Variants in SDK1 observed in about 807,000 individuals in gnomAD.
SDK1 encodes the protein protein sidekick-1.
In SDK1, 157 loss-of-function variants were observed where a neutral mutation model predicts 245.5. The observed-to-expected ratio is 0.64, with a 90% CI of 0.56 to 0.73. SDK1 has a LOEUF of 0.73. Ranked by LOEUF, SDK1 falls within the 30% of genes least tolerant of loss-of-function variation. SDK1 has a pLI of 0.00. For synonymous variants in SDK1, 1,647 were observed against 1,278.5 expected, an observed-to-expected ratio of 1.29 and a Z score of -6.15; for missense variants, 3,583 against 3,002.3, an observed-to-expected ratio of 1.19 and a Z score of -4.52.
chr7:3,346,780 C>CAT (rs1248705105), intron 1 of SDK1, among the ~76,000 whole-genome samples: 1 of 85,202 alleles, frequency 1.2e-5, no homozygotes, highest in South Asian at 4.4e-4. Context: ...TATATGTATA[C>CAT]ATATATATGT....
chr7:3,467,984 T>TA (rs1583902574), intron 1 of SDK1, among the ~76,000 whole-genome samples: 1 of 152,162 alleles, frequency 6.6e-6, no homozygotes, highest in South Asian at 2.1e-4. Context: ...CATGTTTTTT[T>TA]AATGAAGATT....
intron 4 of SDK1, among the ~76,000 whole-genome samples, chr7:3,695,791 G>A (rs1396424039): frequency 6.6e-6 from 1 of 152,158 alleles, no homozygotes; most frequent in Non-Finnish European, 1.5e-5. Flanking sequence ...ACCGCTAGAC[G>A]TAGCCTGTAT....
At chr7:4,077,293 G>A in intron 21 of SDK1, 104 bp downstream of exon 21, 1 of 1,115,814 alleles carries the variant, frequency 9.0e-7, no homozygotes, top group South Asian at 1.5e-5. Flanking sequence ...TGAGTGCCTT[G>A]AAAAGGAGTA....
At chr7:4,203,406 C>T (rs1230551915) in intron 35 of SDK1, among the ~76,000 whole-genome samples, 1 of 152,110 alleles carries the variant, frequency 6.6e-6, no homozygotes, top group Non-Finnish European at 1.5e-5. Context: ...AGCGTGAGAC[C>T]CCAGAGAAAA....
At chr7:3,967,511 C>T (rs1277143377) in intron 10 of SDK1, 77 bp downstream of exon 10, 4 of 874,282 alleles carry the variant, frequency 4.6e-6, no homozygotes, top group African/African-American at 3.3e-5. Context: ...GCTTCTTATT[C>T]ACTCTCTTGT....
intron 1 of SDK1, among the ~76,000 whole-genome samples, chr7:3,525,960 G>A (rs761254530): frequency 4.6e-5 from 7 of 152,100 alleles, no homozygotes; most frequent in Admixed American, 2.6e-4. Flanking sequence ...TGGGCCAGGC[G>A]CCGTGGCTCA....
At chr7:3,707,272 G>T (rs1784917867) in intron 4 of SDK1, among the ~76,000 whole-genome samples, 1 of 152,248 alleles carries the variant, frequency 6.6e-6, no homozygotes, top group East Asian at 1.9e-4. Context: ...TTATTTCAAA[G>T]AATTTTTAAA....
chr7:3,528,379 G>C (rs1583127197), intron 1 of SDK1, among the ~76,000 whole-genome samples: 1 of 151,874 alleles, frequency 6.6e-6, no homozygotes, highest in Non-Finnish European at 1.5e-5. Context: ...TCAGCTAGGG[G>C]GTGAGTGGTG....
At chr7:4,260,578 C>T (rs1401835083) in intron 44 of SDK1, among the ~76,000 whole-genome samples, 2 of 124,592 alleles carry the variant, frequency 1.6e-5, no homozygotes, top group Non-Finnish European at 3.3e-5. Flanking sequence ...CTGGCTGCTC[C>T]GGGGCCTCTG....
intron 4 of SDK1, among the ~76,000 whole-genome samples, chr7:3,669,083 G>C (rs1181935255): frequency 2.6e-5 from 4 of 152,122 alleles, no homozygotes; most frequent in African/African-American, 7.2e-5. Context: ...ACACATTCCA[G>C]GGAGAAAAGT....
At chr7:4,230,932 C>G (rs925739665) in intron 40 of SDK1, among the ~76,000 whole-genome samples, 2 of 152,150 alleles carry the variant, frequency 1.3e-5, no homozygotes, top group Non-Finnish European at 2.9e-5. Flanking sequence ...GCAATCTCAT[C>G]TGATTCCCTG....
intron 5 of SDK1, among the ~76,000 whole-genome samples, chr7:3,927,726 T>A (rs1779823337): frequency 6.6e-6 from 1 of 152,236 alleles, no homozygotes; most frequent in Admixed American, 6.5e-5. Context: ...TTTGGAGTAT[T>A]CTGCTCAGAA....
At chr7:3,745,967 C>G (rs1387823504) in intron 4 of SDK1, among the ~76,000 whole-genome samples, 1 of 152,146 alleles carries the variant, frequency 6.6e-6, no homozygotes, top group Non-Finnish European at 1.5e-5. Flanking sequence ...AGCTGTCAGT[C>G]CTCTGGGAAA....
chr7:3,785,014 A>C (rs1176538212), intron 4 of SDK1, among the ~76,000 whole-genome samples: 1 of 152,380 alleles, frequency 6.6e-6, no homozygotes, highest in South Asian at 2.1e-4. Flanking sequence ...ATGGAATACT[A>C]TTCATCCTTA....
intron 1 of SDK1, among the ~76,000 whole-genome samples, chr7:3,325,149 A>G (rs1026411770): frequency 3.9e-5 from 6 of 152,046 alleles, no homozygotes; most frequent in Non-Finnish European, 1.5e-5. Context: ...CTCACAGGTG[A>G]TGCTTAAAAC....
intron 4 of SDK1, among the ~76,000 whole-genome samples, chr7:3,681,372 G>T (rs1256029908): frequency 6.6e-6 from 1 of 152,006 alleles, no homozygotes; most frequent in Non-Finnish European, 1.5e-5. Context: ...TTTAATGTTA[G>T]ACTTTTCCTG....
chr7:4,190,873 A>G (rs1584407143), intron 35 of SDK1, among the ~76,000 whole-genome samples: 1 of 152,172 alleles, frequency 6.6e-6, no homozygotes, highest in East Asian at 1.9e-4. Flanking sequence ...GATGGGCTTG[A>G]CACCAGCCTC....
At chr7:3,729,082 A>G (rs1392364092) in intron 4 of SDK1, among the ~76,000 whole-genome samples, 1 of 152,174 alleles carries the variant, frequency 6.6e-6, no homozygotes, top group African/African-American at 2.4e-5. Context: ...TGCTTTAACC[A>G]TACTGGGCAA....
intron 4 of SDK1, among the ~76,000 whole-genome samples, chr7:3,786,537 G>T (rs1351041106): frequency 6.6e-6 from 1 of 152,176 alleles, no homozygotes; most frequent in Non-Finnish European, 1.5e-5. Flanking sequence ...GCCTCTCCAT[G>T]TACAAGAATA....
Sources: gnomAD v4.1 joint callset for allele counts (sites outside exome capture counted in the v4.1 genomes callset) on GRCh38, gnomAD v4.1.1 for gene constraint, MANE v1.5 for transcripts, NCBI Gene and HGNC (gene_info 2026-07-23, HGNC 2026-07-21) for gene names.